ZNRF3: variants seen among roughly 807,000 people sequenced by gnomAD.
The protein encoded by ZNRF3 is E3 ubiquitin-protein ligase ZNRF3.
Under a neutral mutation model 72.5 loss-of-function variants are expected in ZNRF3, and 23 were observed. That is an observed-to-expected ratio of 0.32 (90% CI 0.23 to 0.45). ZNRF3 has a LOEUF of 0.45. ZNRF3 is among the 20% of genes least tolerant of loss of function. The probability of loss-of-function intolerance (pLI) is 1.00; values close to 1 mark genes in which losing one functional copy is unlikely to be tolerated. For missense variants in ZNRF3, 1,169 were observed against 1,272.1 expected (o/e 0.92, Z 1.23); for synonymous variants, 610 against 545.3 (o/e 1.12, Z -1.65).
At position 28,987,209 on chromosome 22, in the gene ZNRF3, C is replaced by CCAGGCCCTTGGA. The variant is rs768455825; in HGVS notation, c.426+9_426+20dup. 4.1e-5 allele frequency: 66 copies of CCAGGCCCTTGGA among 1,604,850 alleles called. 1 individual carries two copies. In the South Asian group the frequency reaches 7.3e-4, roughly 18 times the overall value. ...CTCACTGTCCTAGGCAAGGTAAGCACCAGGCCCTTGGAATCACTGTGTTTC... is the reference window on the plus strand; with the variant it reads ...CTCACTGTCCTAGGCAAGGTAAGCACCAGGCCCTTGGACAGGCCCTTGGAATCACTGTGTTTC... On this transcript the variant is annotated intron_variant, in intron 2 of 8. Coordinates refer to ENST00000544604, the MANE Select transcript of ZNRF3 (RefSeq NM_001206998.2).
At chr22:29,034,626 A>G (rs1487025983) in intron 2 of ZNRF3, among the ~76,000 whole-genome samples, 1 of 152,212 alleles carries the variant, frequency 6.6e-6, no homozygotes, top group Non-Finnish European at 1.5e-5. Flanking sequence ...AGCATTTCTC[A>G]AAGGACACCG....
At chr22:29,003,752 CTTGAGCCTGGGAGGT>C (rs2036194715) in intron 2 of ZNRF3, among the ~76,000 whole-genome samples, 1 of 151,902 alleles carries the variant, frequency 6.6e-6, no homozygotes, top group African/African-American at 2.4e-5. Context: ...GAGCGGGAGG[CTTGAGCCTGGGAGGT>C]GGAGGCTACA....
chr22:29,004,224 A>T (rs2036200223), intron 2 of ZNRF3, among the ~76,000 whole-genome samples: 1 of 152,246 alleles, frequency 6.6e-6, no homozygotes, highest in Admixed American at 6.5e-5. Flanking sequence ...ACTTTGATTC[A>T]GTCTGACCCA....
chr22:29,048,398 G>A lies in ZNRF3; in HGVS notation c.922G>A (p.Val308Ile). The change falls in exon 7 of 9, where the codon GTC becomes ATC. Residue 308 changes from valine (V) to isoleucine (I), a missense_variant. By Grantham distance (29) the Val-to-Ile change is conservative. This residue lies in a region of ZNRF3 where 386 missense variants were observed against 540.7 expected (regional missense o/e 0.71). Transcript: ENST00000544604. The surrounding 1 kb of genome is among the most constrained non-coding windows in gnomAD (Gnocchi z 4.9). ...EKYIDGEELR[V>I]IPCTHRFHRK... is the part of the protein sequence containing the mutation. ...CTCTCTCCCTGCCCAGGAGCTGCGGGTCATCCCCTGTACTCACCGGTTTCA... is the reference window on the plus strand; with the variant it reads ...CTCTCTCCCTGCCCAGGAGCTGCGGATCATCCCCTGTACTCACCGGTTTCA... 1 of 1,613,512 alleles carries A rather than the reference G, an allele frequency of 6.2e-7. No individual in the cohort carries two copies. The highest frequency in any genetic ancestry group is 8.5e-7 in the Non-Finnish European group (1 of 1,179,650).
chr22:28,984,113 T>A (rs1176518667), intron 1 of ZNRF3, among the ~76,000 whole-genome samples: 1 of 146,652 alleles, frequency 6.8e-6, no homozygotes, highest in African/African-American at 2.4e-5. Context: ...CTTAGGACAG[T>A]TGCTTGTTTT....
chr22:28,988,388 C>G (rs558548683), intron 2 of ZNRF3, among the ~76,000 whole-genome samples: 1 of 152,092 alleles, frequency 6.6e-6, no homozygotes, highest in African/African-American at 2.4e-5. Context: ...TAAAGTAGCC[C>G]CTGCCAGTGT....
At chr22:28,934,818 A>C (rs2034790467) in intron 1 of ZNRF3, among the ~76,000 whole-genome samples, 1 of 127,942 alleles carries the variant, frequency 7.8e-6, no homozygotes, top group African/African-American at 3.3e-5. Flanking sequence ...ACTCTGTCTC[A>C]AAAAAAAAAA....
At chr22:29,005,714 A>G (rs2036229519) in intron 2 of ZNRF3, among the ~76,000 whole-genome samples, 1 of 152,106 alleles carries the variant, frequency 6.6e-6, no homozygotes, top group South Asian at 2.1e-4. Context: ...AGCCTCTCAC[A>G]TCTGACTGGA....
intron 1 of ZNRF3, among the ~76,000 whole-genome samples, chr22:28,886,266 C>T (rs548312196): frequency 6.6e-6 from 1 of 152,274 alleles, no homozygotes; most frequent in South Asian, 2.1e-4. Flanking sequence ...TCTGGCAGCC[C>T]TGAAAAAGTT....
chr22:29,026,945 G>GGTA (rs1024384391), intron 2 of ZNRF3: 1 of 152,222 alleles, frequency 6.6e-6, no homozygotes, highest in African/African-American at 2.4e-5. Context: ...TTAAGTCTGA[G>GGTA]GTAGAGTAGC....
chr22:28,939,798 C>T (rs1368124113), intron 1 of ZNRF3, among the ~76,000 whole-genome samples: 1 of 152,142 alleles, frequency 6.6e-6, no homozygotes, highest in Non-Finnish European at 1.5e-5. Context: ...TCAGGTGGAG[C>T]TTACATGTTA....
intron 1 of ZNRF3, among the ~76,000 whole-genome samples, chr22:28,976,620 T>A (rs2035679112): frequency 6.6e-6 from 1 of 152,240 alleles, no homozygotes; most frequent in African/African-American, 2.4e-5. Flanking sequence ...TATTTCATCT[T>A]AATTTAGTAA....
chr22:28,993,833 C>A (rs897931325), intron 2 of ZNRF3, among the ~76,000 whole-genome samples: 4 of 152,188 alleles, frequency 2.6e-5, no homozygotes, highest in Non-Finnish European at 2.9e-5. Flanking sequence ...CAGGTGTGTG[C>A]CACCACACCT....
chr22:29,050,662 G>A lies in ZNRF3; in HGVS notation c.2481G>A (p.Gln827=). ...ACCCCGGGGCCCGGGACCTGAGCCA[G>A]CGCATCCCCATCATTCCAGAGGATG... The part of the protein sequence containing the change: ...GCYPGARDLS[Q]RIPIIPEDVD... The change falls in exon 8 of 9, where the codon CAG becomes CAA. Residue 827 remains glutamine, a synonymous_variant. Coordinates refer to ENST00000544604, the MANE Select transcript of ZNRF3 (RefSeq NM_001206998.2). 1.2e-6 allele frequency: 2 copies of A among 1,612,396 alleles called. No homozygotes were observed. The highest frequency in any genetic ancestry group is 1.7e-6 in the Non-Finnish European group (2 of 1,179,614).
intron 2 of ZNRF3, among the ~76,000 whole-genome samples, chr22:29,034,682 C>T (rs1459991588): frequency 6.6e-6 from 1 of 152,196 alleles, no homozygotes; most frequent in Non-Finnish European, 1.5e-5. Context: ...GGAAAGGCTA[C>T]TATAGAGATA....
In ZNRF3 at chr22:28,974,183, G is replaced by A. The variant is rs189884296; in HGVS notation, c.301-12893G>A. Among the ~76,000 whole-genome samples the A allele has an allele frequency of 4.6e-5, 7 of 152,070 alleles. No homozygotes were observed. The East Asian group carries it at 7.7e-4, about 17-fold the overall frequency. On this transcript the variant is annotated intron_variant, in intron 1 of 8. Coordinates refer to ENST00000544604, the MANE Select transcript of ZNRF3 (RefSeq NM_001206998.2). ...TCACCGAGTTAGCCAGGATGGTCTC[G>A]ATCTCCTGACCTCGTGATCCGCCTG...
intron 1 of ZNRF3, among the ~76,000 whole-genome samples, chr22:28,972,405 T>G (rs1448672899): frequency 6.6e-6 from 1 of 152,226 alleles, no homozygotes; most frequent in Non-Finnish European, 1.5e-5. Flanking sequence ...CTCAGCATAT[T>G]CTCAAGGTTT....
At chr22:28,931,105 AAAG>A (rs1250874903) in intron 1 of ZNRF3, among the ~76,000 whole-genome samples, 7 of 152,190 alleles carry the variant, frequency 4.6e-5, no homozygotes, top group Non-Finnish European at 7.3e-5. Context: ...CCCTGGAGGA[AAAG>A]AAGTAGTCAT....
At chr22:29,034,120 T>G (rs2036819001) in intron 2 of ZNRF3, among the ~76,000 whole-genome samples, 2 of 152,134 alleles carry the variant, frequency 1.3e-5, no homozygotes, top group Non-Finnish European at 2.9e-5. Flanking sequence ...GGGAGAGACC[T>G]CAGTGTCTTC....
Sources: gnomAD v4.1 joint callset for allele counts (sites outside exome capture counted in the v4.1 genomes callset) on GRCh38, gnomAD v4.1.1 for gene constraint, gnomAD v4.1.1 regional missense constraint, Gnocchi (gnomAD v3.1) non-coding constraint, MANE v1.5 for transcripts, NCBI Gene and HGNC (gene_info 2026-07-23, HGNC 2026-07-21) for gene names.